Variants in NFAT5 observed in about 807,000 individuals in gnomAD.
NFAT5 encodes the protein nuclear factor of activated T-cells 5.
In NFAT5, 31 loss-of-function variants were observed where a neutral mutation model predicts 166.5. The observed-to-expected ratio is 0.19, with a 90% CI of 0.14 to 0.25. NFAT5 has a LOEUF of 0.25. Among genes scored for constraint, NFAT5 ranks in the 10% least tolerant of loss-of-function variants. The pLI is 1.00. For synonymous variants in NFAT5, 612 were observed against 639.7 expected (o/e 0.96, Z 0.65); for missense variants, 1,449 against 1,821.8 (o/e 0.80, Z 3.72).
rs777600471 is a variant in NFAT5, at chr16:69,568,544, G to A, written c.123G>A (p.Leu41=). Residue 41 remains leucine, a synonymous_variant, in exon 2 of 15, where the codon TTG becomes TTA. Coordinates refer to ENST00000349945, the MANE Select transcript of NFAT5 (RefSeq NM_138713.4). ...PSQNFHRAGL[L]EESVYDLLPK... ...AGAATTTTCATAGAGCTGGACTATT[G>A]GAAGGTCAGCAAAGTACCATTTTAA... is the stretch of plus-strand genomic sequence containing the variant. 1.2e-6 allele frequency: 2 copies of A among 1,611,594 alleles called. No individual in the cohort carries two copies. Among genetic ancestry groups the A allele is most frequent in the East Asian group, 4.5e-5 (2 of 44,758 alleles).
chr16:69,614,878 CTTT>C (rs55841097), intron 2 of NFAT5, among the ~76,000 whole-genome samples: 5 of 130,982 alleles, frequency 3.8e-5, no homozygotes, highest in Admixed American at 8.1e-5. Flanking sequence ...TTTCTTTTTC[CTTT>C]TTTTTTTTTT....
chr16:69,580,304 G>T (rs942039737), intron 2 of NFAT5, among the ~76,000 whole-genome samples: 3 of 152,036 alleles, frequency 2.0e-5, no homozygotes, highest in Non-Finnish European at 2.9e-5. Context: ...AAGGTGGGTG[G>T]ATCACCTGAG....
chr16:69,629,946 T>C (rs1394541083), intron 3 of NFAT5, among the ~76,000 whole-genome samples: 5 of 151,286 alleles, frequency 3.3e-5, no homozygotes, highest in African/African-American at 1.2e-4. Context: ...GGTAATTTTT[T>C]TTTTTTTTTA....
intron 2 of NFAT5, among the ~76,000 whole-genome samples, chr16:69,605,447 A>T (rs1291394247): frequency 6.6e-6 from 1 of 152,236 alleles, no homozygotes; most frequent in Non-Finnish European, 1.5e-5. Context: ...CAAAAAGAAA[A>T]TAGAAAAGTA....
intron 11 of NFAT5, among the ~76,000 whole-genome samples, chr16:69,688,220 A>AAAC (rs1165514974): frequency 4.8e-5 from 7 of 147,306 alleles, no homozygotes; most frequent in Non-Finnish European, 7.5e-5. Flanking sequence ...AAAAAAAAAA[A>AAAC]AAAAAACCAG....
intron 2 of NFAT5, among the ~76,000 whole-genome samples, chr16:69,595,828 A>G (rs2032758802): frequency 1.3e-5 from 2 of 151,132 alleles, no homozygotes; most frequent in African/African-American, 4.9e-5. Flanking sequence ...TTACTTGAAC[A>G]CAAACACTGT....
chr16:69,633,067 C>T (rs10500551), intron 3 of NFAT5, among the ~76,000 whole-genome samples: 39,305 of 152,064 alleles, frequency 0.26, 5,525 homozygotes, highest in East Asian at 0.45. Context: ...GGCCTATAGC[C>T]ATTAATTCAG....
At chr16:69,588,448 A>G (rs1251184099) in intron 2 of NFAT5, among the ~76,000 whole-genome samples, 1 of 152,182 alleles carries the variant, frequency 6.6e-6, no homozygotes, top group Non-Finnish European at 1.5e-5. Context: ...GATGATTGCT[A>G]ATCCTAAAAT....
At chr16:69,608,295 T>C (rs2033522238) in intron 2 of NFAT5, among the ~76,000 whole-genome samples, 1 of 152,156 alleles carries the variant, frequency 6.6e-6, no homozygotes, top group Non-Finnish European at 1.5e-5. Context: ...CCCACATGCA[T>C]ACATACAATG....
At chr16:69,587,356 G>GT (rs1306345101) in intron 2 of NFAT5, among the ~76,000 whole-genome samples, 1 of 122,930 alleles carries the variant, frequency 8.1e-6, no homozygotes, top group African/African-American at 3.2e-5. Flanking sequence ...GATTACAGGT[G>GT]TGAGCCACCA....
At chr16:69,585,720 C>T (rs141817168) in intron 2 of NFAT5, among the ~76,000 whole-genome samples, 1 of 152,080 alleles carries the variant, frequency 6.6e-6, no homozygotes, top group South Asian at 2.1e-4. Flanking sequence ...GTGAAATAAG[C>T]CAGACAGAAA....
rs146476625 is a variant in NFAT5 at position 69,573,537 on chromosome 16, A to G, written c.127+4989A>G. Among the ~76,000 whole-genome samples, 29 of 152,276 alleles carry G rather than the reference A, an allele frequency of 1.9e-4. No individual in the cohort carries two copies. In the East Asian group the frequency reaches 5.0e-3, roughly 26 times the overall value. ...CTGTGGATCCATGTCTAGTAAACTA[A>G]AAGTATTATGGAAATAATGAAGTTC... On this transcript the variant is annotated intron_variant, in intron 2 of 14. Transcript: ENST00000349945.
chr16:69,619,422 T>C (rs898518955), intron 2 of NFAT5, among the ~76,000 whole-genome samples: 4 of 152,216 alleles, frequency 2.6e-5, no homozygotes, highest in Non-Finnish European at 4.4e-5. Flanking sequence ...CTACTCCTCC[T>C]GTCTCCCATC....
chr16:69,660,035 C>T, intron 7 of NFAT5, 136 bp downstream of exon 7: 1 of 742,834 alleles, frequency 1.3e-6, no homozygotes. Context: ...ATTTTAAAAG[C>T]AGTAGTCAGA....
intron 3 of NFAT5, among the ~76,000 whole-genome samples, chr16:69,637,827 G>T (rs114224380): frequency 6.6e-6 from 1 of 152,140 alleles, no homozygotes; most frequent in Admixed American, 6.6e-5. Flanking sequence ...AGGAAAGACC[G>T]ACAGTTTCTG....
rs1393945622 is a variant in NFAT5 at position 69,698,342 on chromosome 16, T to C, written c.*1991T>C. The C allele has an allele frequency of 6.6e-6, 1 of 152,464 alleles. No homozygotes were observed. The highest frequency in any genetic ancestry group is 1.5e-5 in the Non-Finnish European group (1 of 68,026). 9.4% of individuals were successfully genotyped at this position (152,464 alleles called of 1,614,324 possible). A position where few individuals can be genotyped will look rare whatever the true frequency, so the allele number is the denominator to read the frequency against. On this transcript the variant is annotated 3_prime_UTR_variant, in exon 15 of 15. Transcript: ENST00000349945. ...TTGTATTTAGGAAATGGTATACTATTTTGCTATTTGTACTGAGTGAGTACA... is the reference window on the plus strand; with the variant it reads ...TTGTATTTAGGAAATGGTATACTATCTTGCTATTTGTACTGAGTGAGTACA...
chr16:69,610,431 CT>C (rs534591724), intron 2 of NFAT5, among the ~76,000 whole-genome samples: 127 of 152,202 alleles, frequency 8.3e-4, no homozygotes, highest in Non-Finnish European at 1.3e-3. Context: ...GGTAGAATCA[CT>C]TAAGGTAGAT....
rs1380558769 is a variant in NFAT5, at chr16:69,701,735, AT to A, written c.*5385del. 5.9e-5 allele frequency: 9 copies of A among 152,192 alleles called. No homozygotes were observed. The highest frequency in any genetic ancestry group is 5.9e-4 in the Admixed American group (9 of 15,274). The allele number at this position is 152,192 out of a possible 1,614,324, so 9.4% of individuals were successfully genotyped here. A position where few individuals can be genotyped will look rare whatever the true frequency, so the allele number is the denominator to read the frequency against. On this transcript the variant is annotated 3_prime_UTR_variant, in exon 15 of 15. Transcript: ENST00000349945. The stretch of plus-strand genomic sequence containing the variant: ...GAAAGTGTTGAAAGCATTTTCTCTG[AT>A]GTTAATTAGATGGAAATAAATCACT...
At chr16:69,660,095 G>T in intron 7 of NFAT5, among the ~76,000 whole-genome samples, 196 bp downstream of exon 7, 1 of 152,174 alleles carries the variant, frequency 6.6e-6, no homozygotes, top group East Asian at 1.9e-4. Context: ...TTCAAAAGAT[G>T]TGGAACATTT....
Sources: gnomAD v4.1 joint callset for allele counts (sites outside exome capture counted in the v4.1 genomes callset) on GRCh38, gnomAD v4.1.1 for gene constraint, MANE v1.5 for transcripts, NCBI Gene and HGNC (gene_info 2026-07-23, HGNC 2026-07-21) for gene names.